PTPRM: variants seen among roughly 807,000 people sequenced by gnomAD.
PTPRM encodes the protein protein tyrosine phosphatase receptor type M.
In PTPRM, 47 loss-of-function variants were observed where a neutral mutation model predicts 186.7. The ratio of observed to expected loss-of-function variants is 0.25; its 90% CI spans 0.20 to 0.32. The LOEUF (loss-of-function observed/expected upper bound fraction) is 0.32, where lower values mean the gene tolerates loss of function less well. PTPRM is among the 10% of genes least tolerant of loss of function. The pLI is 1.00. For missense variants in PTPRM, 1,494 were observed against 1,865.0 expected (o/e 0.80, Z 3.66); for synonymous variants, 668 against 674.9 (o/e 0.99, Z 0.16).
At chr18:7,746,610 C>T (rs536395818) in intron 1 of PTPRM, among the ~76,000 whole-genome samples, 2 of 152,112 alleles carry the variant, frequency 1.3e-5, no homozygotes, top group South Asian at 2.1e-4. Context: ...GGACTACAAG[C>T]GTGCAACACC....
intron 2 of PTPRM, among the ~76,000 whole-genome samples, chr18:7,831,296 A>T (rs2045748786): frequency 6.6e-6 from 1 of 152,194 alleles, no homozygotes; most frequent in Admixed American, 6.5e-5. Flanking sequence ...TCTTACATCA[A>T]TAAAAAATAT....
At chr18:7,834,434 AGT>A (rs2045918557) in intron 2 of PTPRM, among the ~76,000 whole-genome samples, 1 of 18,114 alleles carries the variant, frequency 5.5e-5, no homozygotes, top group Non-Finnish European at 9.2e-5. Context: ...TGTAAATATA[AGT>A]ATGTATATGT....
chr18:8,256,114 T>G (rs1016292538), intron 19 of PTPRM, among the ~76,000 whole-genome samples: 1 of 152,224 alleles, frequency 6.6e-6, no homozygotes, highest in Non-Finnish European at 1.5e-5. Flanking sequence ...AACAGACCTC[T>G]TTCCATCATG....
intron 22 of PTPRM, among the ~76,000 whole-genome samples, chr18:8,333,961 A>G (rs963141002): frequency 1.3e-5 from 2 of 152,214 alleles, no homozygotes; most frequent in African/African-American, 4.8e-5. Flanking sequence ...TTCATTCTGC[A>G]GTCAGAATAG....
chr18:8,354,949 G>C (rs138955226), intron 23 of PTPRM, among the ~76,000 whole-genome samples: 2,035 of 152,300 alleles, frequency 0.013, 53 homozygotes, highest in African/African-American at 0.047. Context: ...TTTAGTGATA[G>C]AGTAGACATA....
chr18:7,768,434 A>G (rs1281732031), intron 1 of PTPRM, among the ~76,000 whole-genome samples: 1 of 152,156 alleles, frequency 6.6e-6, no homozygotes, highest in Non-Finnish European at 1.5e-5. Context: ...TCAAGGCTAT[A>G]GTGAGCTAGG....
chr18:7,902,853 T>G (rs2049772994), intron 3 of PTPRM, among the ~76,000 whole-genome samples: 1 of 100,476 alleles, frequency 1.0e-5, no homozygotes, highest in African/African-American at 2.9e-5. Flanking sequence ...TTTTTTTTTG[T>G]ACTCTCCTTT....
intron 18 of PTPRM, among the ~76,000 whole-genome samples, 191 bp from the exon 19 acceptor site, chr18:8,253,036 C>T (rs534190484): frequency 3.9e-5 from 6 of 152,290 alleles, no homozygotes; most frequent in Non-Finnish European, 7.4e-5. Context: ...AAGATTTCTG[C>T]GCATTCTTAT....
chr18:8,355,169 G>A (rs2095556964), intron 23 of PTPRM, among the ~76,000 whole-genome samples: 1 of 152,154 alleles, frequency 6.6e-6, no homozygotes, highest in African/African-American at 2.4e-5. Context: ...TACACAGGGA[G>A]GGGGCATCAA....
chr18:7,677,627 C>T (rs915680377), intron 1 of PTPRM, among the ~76,000 whole-genome samples: 1 of 152,150 alleles, frequency 6.6e-6, no homozygotes, highest in African/African-American at 2.4e-5. Context: ...GCTCATTTCC[C>T]TGAGTGGCAT....
chr18:7,721,735 A>T (rs626015), intron 1 of PTPRM, among the ~76,000 whole-genome samples: 97,001 of 152,048 alleles, frequency 0.64, 32,862 homozygotes, highest in East Asian at 0.99. Context: ...TTTGACACAC[A>T]TGTCAGAAAT....
intron 2 of PTPRM, among the ~76,000 whole-genome samples, chr18:7,871,736 G>A (rs2047992865): frequency 6.6e-6 from 1 of 152,184 alleles, no homozygotes; most frequent in South Asian, 2.1e-4. Context: ...TTTTGTGTGT[G>A]CCCTCAGTGA....
intron 1 of PTPRM, among the ~76,000 whole-genome samples, chr18:7,744,778 T>G (rs767541143): frequency 6.6e-6 from 1 of 152,184 alleles, no homozygotes; most frequent in Non-Finnish European, 1.5e-5. Context: ...TTTTATCTTA[T>G]TTTTGACTGA....
At chr18:8,144,393 C>A (rs1295824940) in intron 14 of PTPRM, among the ~76,000 whole-genome samples, 1 of 152,174 alleles carries the variant, frequency 6.6e-6, no homozygotes, top group Non-Finnish European at 1.5e-5. Context: ...GCAGGTGAAT[C>A]ATTTGATCAC....
At chr18:8,396,886 G>T (rs1244833880) in intron 32 of PTPRM, among the ~76,000 whole-genome samples, 2 of 152,200 alleles carry the variant, frequency 1.3e-5, no homozygotes, top group South Asian at 2.1e-4. Context: ...AGGACCTGTT[G>T]TCATTTGGTT....
At chr18:8,171,857 A>G (rs1273079349) in intron 14 of PTPRM, among the ~76,000 whole-genome samples, 1 of 152,180 alleles carries the variant, frequency 6.6e-6, no homozygotes, top group Admixed American at 6.5e-5. Flanking sequence ...AAATGTGCTC[A>G]GAACACTTAG....
At chr18:8,215,545 CTTTT>C (rs11334182) in intron 14 of PTPRM, among the ~76,000 whole-genome samples, 4 of 116,324 alleles carry the variant, frequency 3.4e-5, no homozygotes, top group Non-Finnish European at 7.1e-5. Context: ...TCTTTCTTTT[CTTTT>C]TTTTTTTTTT....
intron 2 of PTPRM, among the ~76,000 whole-genome samples, chr18:7,858,547 A>G (rs2047198785): frequency 6.6e-6 from 1 of 152,192 alleles, no homozygotes; most frequent in Admixed American, 6.5e-5. Context: ...GGCGAGTGAG[A>G]CCCTGTCTTT....
At chr18:8,069,395 T>A (rs1333988628) in intron 7 of PTPRM, among the ~76,000 whole-genome samples, 1 of 152,190 alleles carries the variant, frequency 6.6e-6, no homozygotes, top group Non-Finnish European at 1.5e-5. Flanking sequence ...CCAAAGATGG[T>A]GAGCCCCTGC....
Sources: allele counts gnomAD v4.1 joint callset (sites outside exome capture counted in the v4.1 genomes callset), GRCh38; gene constraint gnomAD v4.1.1; transcripts MANE v1.5; gene names NCBI Gene and HGNC (gene_info 2026-07-23, HGNC 2026-07-21).